Variants in ARHGEF12 observed in about 807,000 individuals in gnomAD.
The protein encoded by ARHGEF12 is KMT2A/ARHGEF12 fusion protein.
ARHGEF12 carries 66 observed loss-of-function variants against 211.2 expected under a neutral mutation model. That is an observed-to-expected ratio of 0.31 (90% CI 0.26 to 0.38). ARHGEF12 has a LOEUF of 0.38. Ranked by LOEUF, ARHGEF12 falls within the 10% of genes least tolerant of loss-of-function variation. The pLI, the probability that ARHGEF12 is intolerant of heterozygous loss-of-function variation, is 1.00. For missense variants in ARHGEF12, 1,429 were observed against 1,869.5 expected (o/e 0.76, Z 4.34); for synonymous variants, 592 against 638.4 (o/e 0.93, Z 1.09).
chr11:120,445,764 G>C (rs115493938), intron 16 of ARHGEF12, among the ~76,000 whole-genome samples: 24 of 152,248 alleles, frequency 1.6e-4, no homozygotes, highest in African/African-American at 5.8e-4. Flanking sequence ...CTGGCATGAT[G>C]GTGCATGCCT....
At chr11:120,441,660 G>A (rs763991768) in intron 13 of ARHGEF12, 47 bp from the exon 14 acceptor site, 1 of 1,455,468 alleles carries the variant, frequency 6.9e-7, no homozygotes, top group South Asian at 1.2e-5. Flanking sequence ...TTTGCATTTA[G>A]TATTTGTATG....
intron 11 of ARHGEF12, among the ~76,000 whole-genome samples, chr11:120,435,622 C>T (rs1327533401): frequency 1.3e-5 from 2 of 148,808 alleles, no homozygotes; most frequent in African/African-American, 5.0e-5. Context: ...TCGTGCCATT[C>T]TCCTGCCTCA....
At chr11:120,387,290 C>T (rs1224257621) in intron 1 of ARHGEF12, among the ~76,000 whole-genome samples, 1 of 151,938 alleles carries the variant, frequency 6.6e-6, no homozygotes, top group Non-Finnish European at 1.5e-5. Context: ...TAACATATTA[C>T]ATACAATATA....
At chr11:120,349,698 G>A (rs1014436535) in intron 1 of ARHGEF12, among the ~76,000 whole-genome samples, 1 of 152,198 alleles carries the variant, frequency 6.6e-6, no homozygotes, top group Non-Finnish European at 1.5e-5. Flanking sequence ...GTGTGTGTGA[G>A]TACCTAGCAC....
chr11:120,481,218 G>C, intron 38 of ARHGEF12, 42 bp from the exon 39 acceptor site: 2 of 1,562,666 alleles, frequency 1.3e-6, no homozygotes, highest in Non-Finnish European at 1.8e-6. Flanking sequence ...GTTTTCTAAT[G>C]GCAGCACTGG....
At chr11:120,427,410 A>AT (rs1945377750) in intron 7 of ARHGEF12, among the ~76,000 whole-genome samples, 1 of 152,162 alleles carries the variant, frequency 6.6e-6, no homozygotes, top group African/African-American at 2.4e-5. Context: ...ATCTTAAAAT[A>AT]TGAAGATCTA....
intron 1 of ARHGEF12, among the ~76,000 whole-genome samples, chr11:120,403,596 T>C (rs1007766478): frequency 2.6e-5 from 4 of 152,164 alleles, no homozygotes; most frequent in African/African-American, 9.6e-5. Flanking sequence ...TAATCATCGT[T>C]CTTCATTTTG....
chr11:120,403,007 A>G (rs919400052), intron 1 of ARHGEF12, among the ~76,000 whole-genome samples: 2 of 152,220 alleles, frequency 1.3e-5, no homozygotes, highest in Non-Finnish European at 2.9e-5. Context: ...TACATTATTT[A>G]TTGGGTAAGT....
intron 34 of ARHGEF12, 152 bp from the exon 35 acceptor site, chr11:120,477,067 C>A: frequency 1.5e-6 from 1 of 672,278 alleles, no homozygotes; most frequent in Non-Finnish European, 2.5e-6. Flanking sequence ...AAGATATTCT[C>A]TGGCAGAGTG....
intron 36 of ARHGEF12, chr11:120,477,767 G>T: frequency 2.5e-6 from 1 of 399,410 alleles, no homozygotes. Flanking sequence ...TTGGGAGGCT[G>T]AGGCAGGGAG....
chr11:120,480,153 T>C lies in ARHGEF12; in HGVS notation c.3960T>C (p.Gly1320=), dbSNP rs779915005. 6.2e-7 allele frequency: 1 copy of C among 1,614,106 alleles called. No individual in the cohort carries two copies. The highest frequency in any genetic ancestry group is 8.5e-7 in the Non-Finnish European group (1 of 1,180,048). ...ATATGCCCTTTAGAACTGGAACTGG[T>C]GACATTGCAACTTGTTACAGTCCAC... ...EGHMPFRTGT[G]DIATCYSPRT... is the part of the protein sequence containing the mutation. Residue 1320 remains glycine (G), a synonymous_variant, in exon 38 of 41, where the codon GGT becomes GGC. Transcript: ENST00000397843.
rs917650654 is a variant in ARHGEF12, at chr11:120,374,654, T to C, written c.33-31464T>C. Among the ~76,000 whole-genome samples the C allele has an allele frequency of 9.2e-5, 14 of 152,364 alleles. No homozygotes were observed. The East Asian group carries it at 2.1e-3, about 23-fold the overall frequency. On this transcript the variant is annotated intron_variant, in intron 1 of 40. Coordinates refer to ENST00000397843, the MANE Select transcript of ARHGEF12 (RefSeq NM_015313.3). ...GCATAGTACAAGTTAACTTCCAGTA[T>C]GCAGAATTGACCTCGTGAATTTTAG...
intron 37 of ARHGEF12, 24 bp from the exon 38 acceptor site, chr11:120,479,935 TC>T (rs1290063924): frequency 1.9e-6 from 3 of 1,586,748 alleles, no homozygotes; most frequent in South Asian, 2.3e-5. Context: ...ATGTTTTTTT[TC>T]CCCCTCCTTC....
intron 28 of ARHGEF12, among the ~76,000 whole-genome samples, chr11:120,465,765 C>T (rs745975858): frequency 2.3e-4 from 35 of 152,034 alleles, no homozygotes; most frequent in Non-Finnish European, 2.1e-4. Flanking sequence ...ACCTGGCCCA[C>T]GTTAACATTT....
rs190470208 is a variant in ARHGEF12 at position 120,484,260 on chromosome 11, G to T, written c.4555-178G>T. Reference sequence around the variant, plus strand: ...CCTTCAGTGGAGAAATTGGTAAAAGGAATGAAATTTACTTTTTTCTTCCCA... The same window carrying T: ...CCTTCAGTGGAGAAATTGGTAAAAGTAATGAAATTTACTTTTTTCTTCCCA... On this transcript the variant is annotated intron_variant, in intron 39 of 40. Transcript: ENST00000397843. Among the ~76,000 whole-genome samples, 8 of 152,248 alleles carry T rather than the reference G, an allele frequency of 5.3e-5. No homozygotes were observed. In the East Asian group the frequency reaches 1.4e-3, roughly 26 times the overall value.
chr11:120,336,998 C>A lies in ARHGEF12; in HGVS notation c.-246C>A. On this transcript the variant is annotated 5_prime_UTR_variant, in exon 1 of 41. Transcript: ENST00000397843. ...CCTTCTGGAGGATTTCTCTCTAGCT[C>A]GACTCACTCTGGACTGACTCGCTCC... 1 of 524,648 alleles carries A rather than the reference C, an allele frequency of 1.9e-6. No individual in the cohort carries two copies. 32.5% of individuals were successfully genotyped at this position (524,648 alleles called of 1,614,324 possible). A position where few individuals can be genotyped will look rare whatever the true frequency, so the allele number is the denominator to read the frequency against.
intron 10 of ARHGEF12, among the ~76,000 whole-genome samples, chr11:120,430,368 A>G (rs1047283336): frequency 1.3e-5 from 2 of 152,200 alleles, no homozygotes; most frequent in Non-Finnish European, 2.9e-5. Flanking sequence ...CTGCAAAGTA[A>G]TAGAACTGGA....
chr11:120,354,344 T>C (rs1423251232), intron 1 of ARHGEF12, among the ~76,000 whole-genome samples: 1 of 152,172 alleles, frequency 6.6e-6, no homozygotes, highest in Non-Finnish European at 1.5e-5. Context: ...CCCACCATGA[T>C]GTTATGTTGC....
At chr11:120,442,745 A>G (rs990178092) in intron 15 of ARHGEF12, among the ~76,000 whole-genome samples, 1 of 152,062 alleles carries the variant, frequency 6.6e-6, no homozygotes, top group Non-Finnish European at 1.5e-5. Flanking sequence ...TTATGGGTAA[A>G]TAGCACCTAG....
Sources: gnomAD v4.1 joint callset for allele counts (sites outside exome capture counted in the v4.1 genomes callset) on GRCh38, gnomAD v4.1.1 for gene constraint, MANE v1.5 for transcripts, NCBI Gene and HGNC (gene_info 2026-07-23, HGNC 2026-07-21) for gene names.